The following ADGRB3 variants were observed in gnomAD, a reference collection of about 807,000 sequenced individuals.
ADGRB3 encodes the protein adhesion G protein-coupled receptor B3.
ADGRB3 carries 37 observed loss-of-function variants against 193.4 expected under a neutral mutation model. The observed-to-expected ratio is 0.19, with a 90% CI of 0.15 to 0.25. The LOEUF (loss-of-function observed/expected upper bound fraction) is 0.25, where lower values mean the gene tolerates loss of function less well. Ranked by LOEUF, ADGRB3 falls within the 10% of genes least tolerant of loss-of-function variation. ADGRB3 has a pLI of 1.00. For missense variants in ADGRB3, 1,637 were observed against 1,852.9 expected (o/e 0.88, Z 2.14); for synonymous variants, 690 against 644.2 (o/e 1.07, Z -1.08).
intron 24 of ADGRB3, 115 bp downstream of exon 24, chr6:69,333,123 G>T (rs974474446): frequency 1.8e-6 from 2 of 1,129,796 alleles, no homozygotes; most frequent in Admixed American, 2.7e-5. Context: ...TGATGTACTA[G>T]TGTGTCCAGT....
chr6:68,991,672 G>A (rs1426091736), intron 10 of ADGRB3, among the ~76,000 whole-genome samples: 1 of 152,074 alleles, frequency 6.6e-6, no homozygotes, highest in African/African-American at 2.4e-5. Flanking sequence ...GCAAATGGCG[G>A]GGAACGGGGA....
chr6:68,923,045 A>C (rs1767087375), intron 3 of ADGRB3, among the ~76,000 whole-genome samples: 1 of 152,146 alleles, frequency 6.6e-6, no homozygotes, highest in Non-Finnish European at 1.5e-5. Context: ...ATGGAATTAG[A>C]GTTATTTTAG....
chr6:68,644,425 T>A (rs1485032732), intron 3 of ADGRB3, among the ~76,000 whole-genome samples: 1 of 152,098 alleles, frequency 6.6e-6, no homozygotes, highest in Non-Finnish European at 1.5e-5. Context: ...GTAAGAAAAT[T>A]AGCCATTTTC....
chr6:69,258,324 C>T (rs910702119), intron 20 of ADGRB3, among the ~76,000 whole-genome samples: 7 of 152,108 alleles, frequency 4.6e-5, no homozygotes, highest in African/African-American at 9.7e-5. Flanking sequence ...GTTTTTGGAA[C>T]TTGGAAAGGA....
chr6:68,939,585 A>T (rs906516684), intron 5 of ADGRB3, among the ~76,000 whole-genome samples: 6 of 152,194 alleles, frequency 3.9e-5, no homozygotes, highest in Admixed American at 2.6e-4. Flanking sequence ...TAGCAAACTA[A>T]AAATATAGAA....
At chr6:69,277,088 C>T (rs973701198) in intron 20 of ADGRB3, among the ~76,000 whole-genome samples, 7 of 151,342 alleles carry the variant, frequency 4.6e-5, no homozygotes, top group Non-Finnish European at 7.4e-5. Context: ...CTCTGCCTCC[C>T]GGGTTCAAGC....
At chr6:68,665,840 A>G (rs1029092147) in intron 3 of ADGRB3, among the ~76,000 whole-genome samples, 1 of 151,838 alleles carries the variant, frequency 6.6e-6, no homozygotes, top group Non-Finnish European at 1.5e-5. Flanking sequence ...CAGAGCTCTT[A>G]TGTTAAATAC....
At chr6:69,375,356 G>C (rs1769793236) in intron 30 of ADGRB3, among the ~76,000 whole-genome samples, 1 of 152,064 alleles carries the variant, frequency 6.6e-6, no homozygotes, top group Non-Finnish European at 1.5e-5. Context: ...AGTAGGTAAT[G>C]AAAGTCCACT....
intron 3 of ADGRB3, among the ~76,000 whole-genome samples, chr6:68,703,982 T>A (rs887742172): frequency 6.6e-6 from 1 of 152,178 alleles, no homozygotes; most frequent in Non-Finnish European, 1.5e-5. Context: ...TTAAATGTCA[T>A]CTTTGTATTT....
chr6:69,115,412 A>G (rs1003194475), intron 17 of ADGRB3, among the ~76,000 whole-genome samples: 2 of 152,220 alleles, frequency 1.3e-5, no homozygotes, highest in Admixed American at 6.5e-5. Flanking sequence ...ACATGGACAC[A>G]AGGAGGGGAA....
rs565642960 is a variant in ADGRB3 at position 69,255,993 on chromosome 6, G to T, written c.2814+16767G>T. Among the ~76,000 whole-genome samples the T allele has an allele frequency of 2.5e-3, 382 of 152,094 alleles. 3 individuals are homozygous for T. Among genetic ancestry groups the T allele is most frequent in the African/African-American group, 8.9e-3 (371 of 41,462 alleles). On this transcript the variant is annotated intron_variant, in intron 20 of 31. Transcript: ENST00000370598. ...CCCATTTCTTGTTTTTGTCAGGTTT[G>T]TCAAAGATCAGAGAGTTGTAGATAT... is the stretch of plus-strand genomic sequence containing the variant.
intron 15 of ADGRB3, among the ~76,000 whole-genome samples, chr6:69,049,718 G>A (rs965064006): frequency 2.6e-5 from 4 of 152,220 alleles, no homozygotes; most frequent in African/African-American, 9.6e-5. Flanking sequence ...AACATGACGT[G>A]AAATTAAAGG....
chr6:68,640,333 A>G (rs187622905), intron 3 of ADGRB3, among the ~76,000 whole-genome samples: 49 of 152,338 alleles, frequency 3.2e-4, no homozygotes, highest in African/African-American at 1.0e-3. Context: ...GGAATGATTT[A>G]TAGTTTTCAC....
At chr6:69,307,417 C>T (rs1768088381) in intron 20 of ADGRB3, among the ~76,000 whole-genome samples, 1 of 151,610 alleles carries the variant, frequency 6.6e-6, no homozygotes, top group African/African-American at 2.4e-5. Context: ...TGAAATTTCA[C>T]AGTCTCTGGC....
intron 8 of ADGRB3, among the ~76,000 whole-genome samples, chr6:68,970,380 G>A (rs1768523879): frequency 6.6e-6 from 1 of 151,542 alleles, no homozygotes; most frequent in Admixed American, 6.6e-5. Flanking sequence ...TGCCTCCCGG[G>A]TTCAAGCAAT....
chr6:69,202,188 T>C (rs1390485556), intron 17 of ADGRB3, among the ~76,000 whole-genome samples: 2 of 152,152 alleles, frequency 1.3e-5, no homozygotes, highest in African/African-American at 4.8e-5. Flanking sequence ...ACCCTAATGT[T>C]GATAGGCAAG....
intron 3 of ADGRB3, among the ~76,000 whole-genome samples, chr6:68,786,098 T>C (rs1183733372): frequency 6.6e-6 from 1 of 151,914 alleles, no homozygotes; most frequent in Non-Finnish European, 1.5e-5. Context: ...TCCGATTCTG[T>C]AGGTTGCCTG....
At chr6:69,384,213 C>T (rs1770013165) in intron 31 of ADGRB3, among the ~76,000 whole-genome samples, 1 of 151,988 alleles carries the variant, frequency 6.6e-6, no homozygotes, top group Non-Finnish European at 1.5e-5. Flanking sequence ...CTTAATTGGT[C>T]TCTTAATAGT....
chr6:68,892,458 G>T (rs1766104782), intron 3 of ADGRB3, among the ~76,000 whole-genome samples: 1 of 152,128 alleles, frequency 6.6e-6, no homozygotes, highest in African/African-American at 2.4e-5. Flanking sequence ...TCTTCCTTGA[G>T]CCCCTTATGT....
Sources: allele counts gnomAD v4.1 joint callset (sites outside exome capture counted in the v4.1 genomes callset), GRCh38; gene constraint gnomAD v4.1.1; transcripts MANE v1.5; gene names NCBI Gene and HGNC (gene_info 2026-07-23, HGNC 2026-07-21).